Variants in CHST11 observed in about 807,000 individuals in gnomAD.
CHST11 encodes the protein carbohydrate sulfotransferase 11.
A neutral mutation model predicts 30.4 loss-of-function variants in CHST11; 9 were observed. The ratio of observed to expected loss-of-function variants is 0.30; its 90% CI spans 0.18 to 0.52. The LOEUF (loss-of-function observed/expected upper bound fraction) is 0.52. Ranked by LOEUF, CHST11 falls within the 20% of genes least tolerant of loss-of-function variation. The pLI, the probability that CHST11 is intolerant of heterozygous loss-of-function variation, is 0.97. For synonymous variants in CHST11, 152 were observed against 187.8 expected, an observed-to-expected ratio of 0.81 and a Z score of 1.56; for missense variants, 348 against 460.6, an observed-to-expected ratio of 0.76 and a Z score of 2.24.
intron 1 of CHST11, among the ~76,000 whole-genome samples, chr12:104,524,543 T>TTA (rs2038105541): frequency 6.6e-6 from 1 of 152,100 alleles, no homozygotes; most frequent in Non-Finnish European, 1.5e-5. Flanking sequence ...ATTCATCTAC[T>TTA]TATCCACCTT....
chr12:104,684,067 G>A (rs2039822766), intron 2 of CHST11, among the ~76,000 whole-genome samples: 1 of 152,180 alleles, frequency 6.6e-6, no homozygotes, highest in South Asian at 2.1e-4. Context: ...AGGGAGGAGC[G>A]AGGAGATGCG....
At chr12:104,740,902 C>T (rs1028756339) in intron 2 of CHST11, among the ~76,000 whole-genome samples, 25 of 152,344 alleles carry the variant, frequency 1.6e-4, no homozygotes, top group Admixed American at 3.9e-4. Flanking sequence ...TAGCACTCCA[C>T]GATGGTCTTC....
intron 1 of CHST11, among the ~76,000 whole-genome samples, chr12:104,545,481 C>T (rs1208788102): frequency 6.6e-6 from 1 of 152,182 alleles, no homozygotes; most frequent in Non-Finnish European, 1.5e-5. Flanking sequence ...GTCCTTGTCT[C>T]TCAGGTGGGC....
intron 1 of CHST11, among the ~76,000 whole-genome samples, chr12:104,510,458 A>G (rs989492171): frequency 6.6e-6 from 1 of 152,192 alleles, no homozygotes; most frequent in African/African-American, 2.4e-5. Context: ...TTTAGACTGA[A>G]TGTTTATATG....
chr12:104,468,447 T>C (rs1345566564), intron 1 of CHST11, among the ~76,000 whole-genome samples: 1 of 152,138 alleles, frequency 6.6e-6, no homozygotes. Flanking sequence ...AGGAGAGGAA[T>C]GGATGGAATA....
chr12:104,637,335 A>AAT (rs1555239335), intron 2 of CHST11, among the ~76,000 whole-genome samples: 1 of 47,574 alleles, frequency 2.1e-5, no homozygotes. Flanking sequence ...AAAAAAAAAA[A>AAT]GGGGGTTGGG....
At chr12:104,617,354 C>T (rs1258113636) in intron 2 of CHST11, among the ~76,000 whole-genome samples, 1 of 152,170 alleles carries the variant, frequency 6.6e-6, no homozygotes, top group Non-Finnish European at 1.5e-5. Context: ...AACCTAGGCT[C>T]TCCATGCCCG....
intron 2 of CHST11, among the ~76,000 whole-genome samples, chr12:104,618,882 C>A (rs186997925): frequency 1.9e-4 from 29 of 152,328 alleles, no homozygotes. Context: ...CCTCCACCAG[C>A]TCAACTGGGG....
intron 1 of CHST11, chr12:104,552,637 T>TTCATTCCTA (rs1190519608): frequency 4.6e-5 from 7 of 152,210 alleles, no homozygotes; most frequent in African/African-American, 1.4e-4. Context: ...CTGTCTTCCT[T>TTCATTCCTA]TCATTCCTAT....
At chr12:104,603,378 TA>T (rs2038975121) in intron 2 of CHST11, among the ~76,000 whole-genome samples, 1 of 152,222 alleles carries the variant, frequency 6.6e-6, no homozygotes, top group Non-Finnish European at 1.5e-5. Context: ...CTGCAAATTT[TA>T]TGGGTAACAT....
chr12:104,760,746 C>T lies in CHST11; in HGVS notation c.*2943C>T, dbSNP rs1039728412. The T allele has an allele frequency of 2.6e-5, 4 of 152,080 alleles. No individual in the cohort carries two copies. Among genetic ancestry groups the T allele is most frequent in the Admixed American group, 1.3e-4 (2 of 15,276 alleles). The allele number at this position is 152,080 out of a possible 1,614,324, so 9.4% of individuals were successfully genotyped here. On this transcript the variant is annotated 3_prime_UTR_variant, in exon 3 of 3. Coordinates refer to ENST00000303694, the MANE Select transcript of CHST11 (RefSeq NM_018413.6). ...GTTTCTGGAATGAGGGACTCTTTCT[C>T]CCCGTGTTTTGCTTTGTGTTCACAT...
chr12:104,461,096 G>C (rs1467923725), intron 1 of CHST11, among the ~76,000 whole-genome samples: 1 of 152,144 alleles, frequency 6.6e-6, no homozygotes, highest in East Asian at 1.9e-4. Flanking sequence ...CAATAACTCT[G>C]GCTCTGTCTG....
At chr12:104,697,630 TC>T (rs1731661424) in intron 2 of CHST11, among the ~76,000 whole-genome samples, 1 of 152,166 alleles carries the variant, frequency 6.6e-6, no homozygotes, top group African/African-American at 2.4e-5. Flanking sequence ...CTGATTCTGT[TC>T]CTCTGGAGCA....
At chr12:104,647,139 T>A (rs1388001751) in intron 2 of CHST11, among the ~76,000 whole-genome samples, 2 of 152,198 alleles carry the variant, frequency 1.3e-5, no homozygotes, top group Non-Finnish European at 2.9e-5. Context: ...AAGAGCCCAT[T>A]GTCATGATGC....
chr12:104,726,501 T>C (rs1319278342), intron 2 of CHST11, among the ~76,000 whole-genome samples: 1 of 152,122 alleles, frequency 6.6e-6, no homozygotes, highest in African/African-American at 2.4e-5. Context: ...AAAAATAGAC[T>C]CTTTCCACAG....
intron 1 of CHST11, among the ~76,000 whole-genome samples, chr12:104,558,681 G>A (rs996198023): frequency 1.3e-5 from 2 of 151,798 alleles, no homozygotes; most frequent in Non-Finnish European, 2.9e-5. Context: ...TGGGACTTCA[G>A]GTGTGTGCCA....
intron 2 of CHST11, among the ~76,000 whole-genome samples, chr12:104,715,298 C>T (rs2040122020): frequency 6.6e-6 from 1 of 152,110 alleles, no homozygotes; most frequent in Non-Finnish European, 1.5e-5. Flanking sequence ...CGCTTGAGCC[C>T]AGAAGGTGGA....
chr12:104,549,695 C>A (rs1293619007), intron 1 of CHST11, among the ~76,000 whole-genome samples: 1 of 152,010 alleles, frequency 6.6e-6, no homozygotes, highest in East Asian at 1.9e-4. Context: ...TGCTTGAGCC[C>A]AGGAGTTTGA....
chr12:104,492,964 C>T (rs1183157244), intron 1 of CHST11, among the ~76,000 whole-genome samples: 8 of 149,246 alleles, frequency 5.4e-5, no homozygotes, highest in Non-Finnish European at 1.2e-4. Flanking sequence ...ACCCGGGAGG[C>T]GGAGGTTGCA....
Sources: allele counts gnomAD v4.1 joint callset (sites outside exome capture counted in the v4.1 genomes callset), GRCh38; gene constraint gnomAD v4.1.1; transcripts MANE v1.5; gene names NCBI Gene and HGNC (gene_info 2026-07-23, HGNC 2026-07-21).